TTC1: variants seen among roughly 807,000 people sequenced by gnomAD.
TTC1 encodes the protein tetratricopeptide repeat domain 1.
A neutral mutation model predicts 37.6 loss-of-function variants in TTC1; 31 were observed. The observed-to-expected ratio is 0.82, with a 90% CI of 0.62 to 1.11. The LOEUF (loss-of-function observed/expected upper bound fraction) is 1.11. Ranked by LOEUF, TTC1 falls within the 50% of genes most tolerant of loss-of-function variation. The pLI, the probability that TTC1 is intolerant of heterozygous loss-of-function variation, is 0.00. For synonymous variants in TTC1, 127 were observed against 122.4 expected (o/e 1.04, Z -0.25); for missense variants, 351 against 339.0 (o/e 1.04, Z -0.28).
intron 2 of TTC1, among the ~76,000 whole-genome samples, chr5:160,014,271 T>C (rs2113341181): frequency 6.6e-6 from 1 of 152,062 alleles, no homozygotes; most frequent in South Asian, 2.1e-4. Flanking sequence ...GGCAGGAGAA[T>C]TGCTTGAACC....
At chr5:160,029,302 A>G (rs1581099215) in intron 2 of TTC1, among the ~76,000 whole-genome samples, 1 of 152,192 alleles carries the variant, frequency 6.6e-6, no homozygotes, top group Admixed American at 6.5e-5. Context: ...CAGTGAACAC[A>G]CTAACACCCA....
intron 2 of TTC1, among the ~76,000 whole-genome samples, chr5:160,025,451 C>T (rs1456213921): frequency 6.6e-6 from 1 of 152,228 alleles, no homozygotes; most frequent in Non-Finnish European, 1.5e-5. Flanking sequence ...TATGGGCTAC[C>T]ACACCAAGTG....
intron 7 of TTC1, among the ~76,000 whole-genome samples, chr5:160,063,104 A>G (rs760130521): frequency 5.9e-5 from 9 of 152,162 alleles, no homozygotes; most frequent in Non-Finnish European, 1.2e-4. Context: ...AGCTTTCTCA[A>G]TTTACTGTTT....
Position 160,065,055 on chromosome 5 carries a change from A to G in TTC1, c.869A>G (p.Asn290Ser), listed in dbSNP as rs553283797. 4.0e-5 allele frequency: 65 copies of G among 1,610,102 alleles called. No homozygotes were observed. The Middle Eastern group carries it at 6.6e-4, about 16-fold the overall frequency. The change falls in exon 8 of 8, where the codon AAT (asparagine) becomes AGT (serine). Residue 290 changes from asparagine (N) to serine (S), a missense_variant. By Grantham distance (46) the Asn-to-Ser change is conservative (BLOSUM62 1). Coordinates refer to ENST00000231238, the MANE Select transcript of TTC1 (RefSeq NM_003314.3). ...YSINFVQNPN[N>S]NR The stretch of plus-strand genomic sequence containing the variant: ...ATCAATTTCGTTCAAAATCCAAATA[A>G]TAACAGATAACAAAGATAACAAAAG...
In TTC1 at chr5:160,034,744, G is replaced by A. The variant is rs1241033690; in HGVS notation, c.331-396G>A. ...CTCAGAAAGATTCTGAAACTTGTCC[G>A]AGGCCACATAACTAGTAAGTACTAG... On this transcript the variant is annotated intron_variant, in intron 2 of 7. Transcript: ENST00000231238. 3.3e-5 allele frequency among the ~76,000 whole-genome samples: 5 copies of A among 152,246 alleles called. No individual in the cohort carries two copies. In the East Asian group the frequency reaches 5.8e-4, roughly 18 times the overall value.
intron 4 of TTC1, 50 bp downstream of exon 4, chr5:160,036,853 T>A (rs749358776): frequency 7.7e-7 from 1 of 1,306,642 alleles, no homozygotes. Context: ...ACTTGCAGTC[T>A]TTTCATACCA....
At chr5:160,038,635 T>C (rs1439602478) in intron 4 of TTC1, among the ~76,000 whole-genome samples, 1 of 152,020 alleles carries the variant, frequency 6.6e-6, no homozygotes, top group African/African-American at 2.4e-5. Flanking sequence ...TTGGTGAAGT[T>C]TTCTGTTCTT....
chr5:160,049,658 G>A lies in TTC1; in HGVS notation c.686G>A (p.Cys229Tyr). The change falls in exon 6 of 8, where the codon TGT becomes TAT. Residue 229 changes from cysteine to tyrosine, a missense_variant. By Grantham distance (194) the Cys-to-Tyr change is radical. Transcript: ENST00000231238. Reference sequence around the variant, plus strand: ...TCAATACATCAAGCAAGAGAAGCTTGTATGGTAAAACCTAAAATTTTAAAA... The same window carrying A: ...TCAATACATCAAGCAAGAGAAGCTTATATGGTAAAACCTAAAATTTTAAAA... The part of the protein sequence containing the change: ...DPSIHQAREA[C>Y]MRLPKQIEER... 1 of 1,574,510 alleles carries A rather than the reference G, an allele frequency of 6.4e-7. No individual in the cohort carries two copies. The highest frequency in any genetic ancestry group is 1.2e-5 in the South Asian group (1 of 83,612).
chr5:160,027,410 C>T (rs1756826431), intron 2 of TTC1, among the ~76,000 whole-genome samples: 1 of 152,188 alleles, frequency 6.6e-6, no homozygotes, highest in African/African-American at 2.4e-5. Context: ...TTCCTCTCCT[C>T]CACTTCGAAC....
intron 5 of TTC1, among the ~76,000 whole-genome samples, chr5:160,045,588 C>T (rs1757221818): frequency 6.9e-6 from 1 of 145,196 alleles, no homozygotes; most frequent in African/African-American, 2.5e-5. Flanking sequence ...ATTCATAAAC[C>T]TTGGCAAAGA....
intron 7 of TTC1, among the ~76,000 whole-genome samples, chr5:160,062,392 C>T (rs1161224794): frequency 1.3e-5 from 2 of 152,172 alleles, no homozygotes; most frequent in Admixed American, 1.3e-4. Context: ...GACCTATTCC[C>T]ATCCCCCGGA....
intron 5 of TTC1, among the ~76,000 whole-genome samples, chr5:160,046,963 G>A (rs1047982872): frequency 6.6e-6 from 1 of 152,070 alleles, no homozygotes; most frequent in Non-Finnish European, 1.5e-5. Context: ...AGTGAGCCGA[G>A]ATCACGCCAT....
At chr5:160,029,037 C>T (rs973170996) in intron 2 of TTC1, among the ~76,000 whole-genome samples, 3 of 152,118 alleles carry the variant, frequency 2.0e-5, no homozygotes, top group African/African-American at 7.2e-5. Context: ...TTGAACTTTA[C>T]ATAGTAGGTT....
At chr5:160,061,336 A>G (rs1283355589) in intron 7 of TTC1, among the ~76,000 whole-genome samples, 3 of 152,238 alleles carry the variant, frequency 2.0e-5, no homozygotes, top group Non-Finnish European at 4.4e-5. Context: ...CAGCCAAAGG[A>G]ATCTTCCCCT....
chr5:160,021,157 A>G (rs1756698445), intron 2 of TTC1, among the ~76,000 whole-genome samples: 1 of 152,190 alleles, frequency 6.6e-6, no homozygotes, highest in Non-Finnish European at 1.5e-5. Context: ...AACCATGCAC[A>G]GCCTGAGAAG....
chr5:160,037,902 G>T (rs1757023598), intron 4 of TTC1, among the ~76,000 whole-genome samples: 1 of 152,036 alleles, frequency 6.6e-6, no homozygotes, highest in South Asian at 2.1e-4. Flanking sequence ...ATTGGAAGTG[G>T]CAGTGTTTTC....
intron 2 of TTC1, among the ~76,000 whole-genome samples, chr5:160,015,664 C>T (rs1165892566): frequency 6.6e-6 from 1 of 152,154 alleles, no homozygotes; most frequent in East Asian, 1.9e-4. Context: ...CTATATCATT[C>T]ATAATGTCCT....
intron 2 of TTC1, among the ~76,000 whole-genome samples, chr5:160,017,213 T>G (rs73307369): frequency 0.017 from 2,513 of 152,232 alleles, 49 homozygotes; most frequent in African/African-American, 0.042. Flanking sequence ...ATACAAAAAT[T>G]CTATCTTAGT....
intron 5 of TTC1, among the ~76,000 whole-genome samples, chr5:160,045,545 CTCTCTCT>C (rs1757215908): frequency 7.5e-5 from 11 of 147,120 alleles, no homozygotes; most frequent in Admixed American, 4.2e-4. Flanking sequence ...CTCTCTCTCT[CTCTCTCT>C]CCCCCTCCCC....
Sources: allele counts gnomAD v4.1 joint callset (sites outside exome capture counted in the v4.1 genomes callset), GRCh38; gene constraint gnomAD v4.1.1; transcripts MANE v1.5; gene names NCBI Gene and HGNC (gene_info 2026-07-23, HGNC 2026-07-21).